The following ATXN8OS variants were observed in gnomAD, a reference collection of about 807,000 sequenced individuals.
The protein encoded by ATXN8OS is ATXN8 opposite strand lncRNA.
intron 4 of ATXN8OS, among the ~76,000 whole-genome samples, chr13:70,153,643 T>C (rs1183257014): frequency 6.6e-6 from 1 of 152,180 alleles, no homozygotes; most frequent in Non-Finnish European, 1.5e-5. Context: ...GTTGTCAATA[T>C]GTATGAACTA....
At position 70,165,825 on chromosome 13, in the gene ATXN8OS, C is replaced by CT. The variant is rs1386661159; in HGVS notation, n.574-3928_574-3927insT. Reference sequence around the variant, plus strand: ...TTAAATATAAATAGATTGTAGTCTCCAGAGTCCTTGAGAAAAATTACAAGT... The same window carrying CT: ...TTAAATATAAATAGATTGTAGTCTCCTAGAGTCCTTGAGAAAAATTACAAGT... On this transcript the variant is annotated intron_variant and non_coding_transcript_variant, in intron 4 of 4. Coordinates refer to ENST00000678624, the Ensembl canonical transcript of ATXN8OS. Among the ~76,000 whole-genome samples the CT allele has an allele frequency of 4.3e-4, 65 of 151,784 alleles. 1 individual carries two copies. The highest frequency in any genetic ancestry group is 2.0e-4 in the Admixed American group (3 of 15,210).
intron 2 of ATXN8OS, among the ~76,000 whole-genome samples, chr13:70,116,753 A>G (rs1566590483): frequency 6.6e-6 from 1 of 152,160 alleles, no homozygotes; most frequent in Non-Finnish European, 1.5e-5. Context: ...TAGAGAAAAG[A>G]AAAACAATGG....
At chr13:70,116,367 G>T in intron 2 of ATXN8OS, among the ~76,000 whole-genome samples, 1 of 152,126 alleles carries the variant, frequency 6.6e-6, no homozygotes, top group East Asian at 1.9e-4. Flanking sequence ...AAGCTCCACT[G>T]ATAAGGTGGT....
chr13:70,159,418 A>G (rs1888976532), intron 4 of ATXN8OS, among the ~76,000 whole-genome samples: 1 of 151,798 alleles, frequency 6.6e-6, no homozygotes, highest in Admixed American at 6.6e-5. Flanking sequence ...ACTACTAGAC[A>G]CTCTTGTCTC....
chr13:70,169,118 T>C (rs976820428), intron 4 of ATXN8OS, among the ~76,000 whole-genome samples: 2 of 152,110 alleles, frequency 1.3e-5, no homozygotes, highest in African/African-American at 4.8e-5. Context: ...CATAAGATAA[T>C]AAAATGGAAT....
At chr13:70,134,936 TA>T (rs1417128891) in intron 3 of ATXN8OS, among the ~76,000 whole-genome samples, 2 of 152,180 alleles carry the variant, frequency 1.3e-5, no homozygotes, top group Non-Finnish European at 2.9e-5. Context: ...CACGAGGTGA[TA>T]AGCCCAGCAC....
At chr13:70,138,138 C>T (rs1461535380) in intron 3 of ATXN8OS, among the ~76,000 whole-genome samples, 5 of 152,264 alleles carry the variant, frequency 3.3e-5, no homozygotes, top group African/African-American at 9.6e-5. Flanking sequence ...ATTTGGGTGC[C>T]GACACAGAGC....
intron 2 of ATXN8OS, among the ~76,000 whole-genome samples, chr13:70,128,077 T>G (rs1266241813): frequency 6.6e-6 from 1 of 152,066 alleles, no homozygotes; most frequent in Non-Finnish European, 1.5e-5. Flanking sequence ...AGGGATAGGT[T>G]AGTATGAAAA....
intron 2 of ATXN8OS, among the ~76,000 whole-genome samples, chr13:70,116,263 T>C (rs945012433): frequency 2.6e-5 from 4 of 151,846 alleles, no homozygotes; most frequent in African/African-American, 9.7e-5. Context: ...TATCAGATAA[T>C]GGAGACATCA....
Position 70,167,243 on chromosome 13 carries a change from A to G in ATXN8OS, n.574-2510A>G, listed in dbSNP as rs1208935315. 3.9e-5 allele frequency among the ~76,000 whole-genome samples: 6 copies of G among 152,178 alleles called. No homozygotes were observed. The East Asian group carries it at 1.2e-3, about 29-fold the overall frequency. On this transcript the variant is annotated intron_variant and non_coding_transcript_variant, in intron 4 of 4. Coordinates refer to ENST00000678624, the Ensembl canonical transcript of ATXN8OS. ...TATGTTTATTGTGTCACTATTCACA[A>G]TAGCAAAGACTTGGAACCAAATGTC...
At chr13:70,148,272 A>G (rs1172280212) in intron 4 of ATXN8OS, among the ~76,000 whole-genome samples, 1 of 152,144 alleles carries the variant, frequency 6.6e-6, no homozygotes, top group Non-Finnish European at 1.5e-5. Flanking sequence ...TTGCAGGGCC[A>G]TTTCAAAATA....
intron 2 of ATXN8OS, chr13:70,115,391 G>A: frequency 2.5e-6 from 1 of 396,520 alleles, no homozygotes; most frequent in Non-Finnish European, 4.4e-6. Flanking sequence ...CCAACACTGT[G>A]GCATTAGGGA....
chr13:70,164,275 C>T (rs575909042), intron 4 of ATXN8OS, among the ~76,000 whole-genome samples: 50 of 151,444 alleles, frequency 3.3e-4, no homozygotes, highest in African/African-American at 1.1e-3. Context: ...AATGTAATTT[C>T]AAATAAAGTA....
intron 2 of ATXN8OS, among the ~76,000 whole-genome samples, chr13:70,121,338 G>T (rs912135025): frequency 6.6e-6 from 1 of 152,108 alleles, no homozygotes; most frequent in Non-Finnish European, 1.5e-5. Context: ...GGAGGAGAGG[G>T]AAGAGATAGT....
At chr13:70,110,659 A>C (rs1029028217) in intron 1 of ATXN8OS, among the ~76,000 whole-genome samples, 1 of 152,106 alleles carries the variant, frequency 6.6e-6, no homozygotes, top group African/African-American at 2.4e-5. Flanking sequence ...TTAACCTGGC[A>C]TATTAGATAA....
At chr13:70,126,512 T>G (rs1046859533) in intron 2 of ATXN8OS, among the ~76,000 whole-genome samples, 1 of 152,162 alleles carries the variant, frequency 6.6e-6, no homozygotes, top group South Asian at 2.1e-4. Flanking sequence ...TATAGACATA[T>G]GAGTAAACCA....
At chr13:70,169,233 T>G (rs1244175017) in intron 4 of ATXN8OS, among the ~76,000 whole-genome samples, 1 of 152,168 alleles carries the variant, frequency 6.6e-6, no homozygotes, top group African/African-American at 2.4e-5. Context: ...GCTGCATTAT[T>G]TGTAGCAACG....
chr13:70,153,846 A>G (rs1203340588), intron 4 of ATXN8OS, among the ~76,000 whole-genome samples: 6 of 151,476 alleles, frequency 4.0e-5, no homozygotes, highest in Middle Eastern at 3.4e-3. Flanking sequence ...CACCTGTCCA[A>G]TTTTTTTTCT....
chr13:70,130,182 G>A (rs1888511354), intron 3 of ATXN8OS, among the ~76,000 whole-genome samples: 1 of 152,088 alleles, frequency 6.6e-6, no homozygotes, highest in Admixed American at 6.6e-5. Context: ...CACCACATAT[G>A]TTGCGATACA....
Sources: allele counts gnomAD v4.1 joint callset (sites outside exome capture counted in the v4.1 genomes callset), GRCh38; gene constraint gnomAD v4.1.1; transcripts MANE v1.5; gene names NCBI Gene and HGNC (gene_info 2026-07-23, HGNC 2026-07-21).